The following COL1A1 variants were observed in gnomAD, a reference collection of about 807,000 sequenced individuals.
COL1A1 encodes collagen alpha-1(I) chain.
A neutral mutation model predicts 195.7 loss-of-function variants in COL1A1; 21 were observed. The observed-to-expected ratio is 0.11, with a 90% CI of 0.08 to 0.15. The LOEUF is 0.15. Among genes scored for constraint, COL1A1 ranks in the 10% least tolerant of loss-of-function variants. The probability of loss-of-function intolerance (pLI) is 1.00; values close to 1 mark genes in which losing one functional copy is unlikely to be tolerated. For missense variants in COL1A1, 1,365 were observed against 2,051.0 expected, an observed-to-expected ratio of 0.67 and a Z score of 6.46; for synonymous variants, 749 against 747.3, an observed-to-expected ratio of 1.00 and a Z score of -0.04.
rs961105065 is a variant in COL1A1 at position 50,185,534 on chromosome 17, C to G, written c.4363G>C (p.Gly1455Arg). The change falls in exon 51 of 51, where the codon GGC becomes CGC. Residue 1455 changes from glycine to arginine, a missense_variant. This residue lies in a region of COL1A1 where 273 missense variants were observed against 338.6 expected (regional missense o/e 0.81). Transcript: ENST00000225964. ...LDVGAPDQEF[G>R]FDVGPVCFL ...AAGCAGACAGGGCCAACGTCGAAGC[C>G]GAATTCCTGGTCTGGGGCACCAACG... The G allele has an allele frequency of 6.2e-7, 1 of 1,612,566 alleles. No individual in the cohort carries two copies. The highest frequency in any genetic ancestry group is 1.1e-5 in the South Asian group (1 of 91,026).
chr17:50,185,738 C>T (rs369473898), intron 50 of COL1A1, 40 bp downstream of exon 50: 46 of 1,612,224 alleles, frequency 2.9e-5, no homozygotes, highest in Middle Eastern at 1.6e-4. Flanking sequence ...AGCCCAAGGC[C>T]GGAGAGGTGG....
intron 29 of COL1A1, 137 bp downstream of exon 29, chr17:50,192,338 C>T (rs1322229539): frequency 9.8e-7 from 1 of 1,019,296 alleles, no homozygotes; most frequent in Non-Finnish European, 1.5e-6. Flanking sequence ...TGTGCTGCTC[C>T]CTTCATGGGA....
Position 50,190,535 on chromosome 17 carries a change from G to A in COL1A1, c.2397+8C>T, listed in dbSNP as rs1478477673. 1 of 1,612,738 alleles carries A rather than the reference G, an allele frequency of 6.2e-7. No homozygotes were observed. Among genetic ancestry groups the A allele is most frequent in the Admixed American group, 1.7e-5 (1 of 59,940 alleles). On this transcript the variant is annotated splice_region_variant and intron_variant, in intron 34 of 50. Coordinates refer to ENST00000225964, the MANE Select transcript of COL1A1 (RefSeq NM_000088.4). This position sits in a 1 kb window ranked among gnomAD's most constrained non-coding sequence, Gnocchi z 4.7. Reference sequence around the variant, plus strand: ...AGTATGGGGTCTTAACAGGTCTTCTGTACTTACGGGGGCACCACGAGCTCC... The same window carrying A: ...AGTATGGGGTCTTAACAGGTCTTCTATACTTACGGGGGCACCACGAGCTCC...
rs544922468 is a variant in COL1A1, at chr17:50,199,873, T to A, written c.178A>T (p.Ile60Phe). The A allele has an allele frequency of 1.3e-5, 21 of 1,614,116 alleles. No individual in the cohort carries two copies. The South Asian group carries it at 2.3e-4, about 18-fold the overall frequency. The change falls in exon 2 of 51, where the codon ATC becomes TTC. Residue 60 changes from isoleucine to phenylalanine, a missense_variant. Physicochemically the swap from Ile to Phe is conservative, Grantham distance 21 (BLOSUM62 0). Coordinates refer to ENST00000225964, the MANE Select transcript of COL1A1 (RefSeq NM_000088.4). Reference protein sequence around the residue: ...RDVWKPEPCRICVCDNGKVLC... With the variant: ...RDVWKPEPCRFCVCDNGKVLC... ...ACCTTGCCGTTGTCGCAGACGCAGA[T>A]CCGGCAGGGCTCGGGTTTCCACACG...
intron 28 of COL1A1, 41 bp from the exon 29 acceptor site, chr17:50,192,569 G>A (rs888608786): frequency 6.2e-7 from 1 of 1,614,086 alleles, no homozygotes; most frequent in African/African-American, 1.3e-5. Context: ...GGAAGGTTTA[G>A]AATCTGGAAG....
At chr17:50,199,076 A>G (rs1022047522) in intron 5 of COL1A1, 150 bp downstream of exon 5, 2 of 904,788 alleles carry the variant, frequency 2.2e-6, no homozygotes, top group African/African-American at 3.4e-5. Context: ...AGCACATGTC[A>G]CAAACTGTGA....
In COL1A1 at chr17:50,185,156, T is replaced by G; in HGVS notation, c.*346A>C. 3.0e-6 allele frequency: 1 copy of G among 334,260 alleles called. No individual in the cohort carries two copies. The highest frequency in any genetic ancestry group is 5.5e-6 in the Non-Finnish European group (1 of 180,184). The allele number at this position is 334,260 out of a possible 1,614,324, so 20.7% of individuals were successfully genotyped here. On this transcript the variant is annotated 3_prime_UTR_variant, in exon 51 of 51. Coordinates refer to ENST00000225964, the MANE Select transcript of COL1A1 (RefSeq NM_000088.4). ...GGAGAAAGGAGCAGAAAGGGCAGCA[T>G]TGGGGTTTCATAAGCCCAACGGGCA...
intron 5 of COL1A1, 55 bp from the exon 6 acceptor site, chr17:50,198,559 G>A (rs1332811560): frequency 5.7e-6 from 8 of 1,398,284 alleles, no homozygotes; most frequent in East Asian, 2.4e-5. Context: ...GGCAGAAGAC[G>A]GCACTGAGGA....
In COL1A1 at chr17:50,190,738, C is replaced by A; in HGVS notation, c.2343+79G>T. ...AGTTTGGCAGGACCTGCTCTCCCAA[C>A]GCAACCCCACGGAACCGTGCCCAGG... On this transcript the variant is annotated intron_variant, in intron 33 of 50. Coordinates refer to ENST00000225964, the MANE Select transcript of COL1A1 (RefSeq NM_000088.4). This position sits in a 1 kb window ranked among gnomAD's most constrained non-coding sequence, Gnocchi z 4.7. 6.7e-7 allele frequency: 1 copy of A among 1,502,764 alleles called. No homozygotes were observed. The highest frequency in any genetic ancestry group is 9.2e-7 in the Non-Finnish European group (1 of 1,081,976). The allele number at this position is 1,502,764 out of a possible 1,614,324, so 93.1% of individuals were successfully genotyped here.
chr17:50,199,372 G>A (rs1416522996), intron 4 of COL1A1, 45 bp from the exon 5 acceptor site: 2 of 1,610,548 alleles, frequency 1.2e-6, no homozygotes, highest in Non-Finnish European at 1.7e-6. Flanking sequence ...GGGGCCGAGA[G>A]CCATGCCCAC....
rs990020766 is a variant in COL1A1, at chr17:50,185,217, G to T, written c.*285C>A. 19 of 412,902 alleles carry T rather than the reference G, an allele frequency of 4.6e-5. No homozygotes were observed. In the Middle Eastern group the frequency reaches 2.0e-3, roughly 44 times the overall value. 25.6% of individuals were successfully genotyped at this position (412,902 alleles called of 1,614,324 possible). A position where few individuals can be genotyped will look rare whatever the true frequency, so the allele number is the denominator to read the frequency against. On this transcript the variant is annotated 3_prime_UTR_variant, in exon 51 of 51. Coordinates refer to ENST00000225964, the MANE Select transcript of COL1A1 (RefSeq NM_000088.4). ...TACCCCCGCATGGGTCTTCAAGCAAGTGGACCAAGCTTCCTTTTTTAAAAA... is the reference window on the plus strand; with the variant it reads ...TACCCCCGCATGGGTCTTCAAGCAATTGGACCAAGCTTCCTTTTTTAAAAA...
intron 11 of COL1A1, 100 bp downstream of exon 11, chr17:50,196,910 C>T (rs1907639500): frequency 2.9e-6 from 4 of 1,386,888 alleles, no homozygotes; most frequent in South Asian, 2.3e-5. Context: ...GTAGCTGCCA[C>T]CCACCATGAT....
At chr17:50,191,594 G>T in intron 31 of COL1A1, 104 bp from the exon 32 acceptor site, 1 of 1,217,230 alleles carries the variant, frequency 8.2e-7, no homozygotes, top group Non-Finnish European at 1.2e-6. Flanking sequence ...CAAGGCCAAC[G>T]ACAAGCCTTG....
chr17:50,199,691 C>T (rs1016318919), intron 2 of COL1A1, 62 bp downstream of exon 2: 1 of 1,586,106 alleles, frequency 6.3e-7, no homozygotes, highest in Non-Finnish European at 8.5e-7. Context: ...CGACCACCCC[C>T]AGCCCCAGCC....
chr17:50,186,058 T>G lies in COL1A1; in HGVS notation c.4006-38A>C, dbSNP rs781401626. ...GGAGAGAGGGAAGAGTGAGCCGCTA[T>G]GCGGGAACCTCTAGTCCTGCCTGGC... is the stretch of plus-strand genomic sequence containing the variant. On this transcript the variant is annotated intron_variant, in intron 49 of 50. Transcript: ENST00000225964. This position sits in a 1 kb window ranked among gnomAD's most constrained non-coding sequence, Gnocchi z 5.3. The G allele has an allele frequency of 5.6e-6, 9 of 1,607,878 alleles. No homozygotes were observed.
At position 50,189,112 on chromosome 17, in the gene COL1A1, C is replaced by T. The variant is rs146713501; in HGVS notation, c.2937+56G>A. 4 of 1,598,586 alleles carry T rather than the reference C, an allele frequency of 2.5e-6. No individual in the cohort carries two copies. Among genetic ancestry groups the T allele is most frequent in the Non-Finnish European group, 8.6e-7 (1 of 1,166,568 alleles). On this transcript the variant is annotated intron_variant, in intron 40 of 50. Coordinates refer to ENST00000225964, the MANE Select transcript of COL1A1 (RefSeq NM_000088.4). This position sits in a 1 kb window ranked among gnomAD's most constrained non-coding sequence, Gnocchi z 5.5. ...ATCTGTTCTCCTTGGCTCCGCCCCA[C>T]TCCAAGTCCTGTGATGGTTTTTCTC...
Position 50,201,464 on chromosome 17 carries a change from G to A in COL1A1, c.50C>T (p.Ala17Val). 2 of 1,613,144 alleles carry A rather than the reference G, an allele frequency of 1.2e-6. No homozygotes were observed. Among genetic ancestry groups the A allele is most frequent in the Non-Finnish European group, 1.7e-6 (2 of 1,180,018 alleles). The change falls in exon 1 of 51, where the codon GCC (alanine) becomes GTC (valine). Residue 17 changes from alanine to valine, a missense_variant. Ala to Val is a moderately conservative substitution (Grantham distance 64, BLOSUM62 0). Coordinates refer to ENST00000225964, the MANE Select transcript of COL1A1 (RefSeq NM_000088.4). ...LRLLLLLAAT[A>V]LLTHGQEEGQ... ...TTCCTCTTGGCCGTGCGTCAGGAGG[G>A]CGGTGGCCGCTAAGAGGAGCAGGAG... is the stretch of plus-strand genomic sequence containing the variant.
In COL1A1 at chr17:50,195,714, C is replaced by G; in HGVS notation, c.1057-49G>C. The G allele has an allele frequency of 1.3e-6, 2 of 1,581,138 alleles. No homozygotes were observed. Among genetic ancestry groups the G allele is most frequent in the African/African-American group, 2.7e-5 (2 of 74,256 alleles). ...CAGAAGCCACCCTGGGAAACCCAACCTTGCCTCTCGGGATGGCAGGAGGAA... is the reference window on the plus strand; with the variant it reads ...CAGAAGCCACCCTGGGAAACCCAACGTTGCCTCTCGGGATGGCAGGAGGAA... On this transcript the variant is annotated intron_variant, in intron 16 of 50. Coordinates refer to ENST00000225964, the MANE Select transcript of COL1A1 (RefSeq NM_000088.4). This position sits in a 1 kb window ranked among gnomAD's most constrained non-coding sequence, Gnocchi z 4.3.
intron 46 of COL1A1, 46 bp from the exon 47 acceptor site, chr17:50,187,168 C>T (rs758391151): frequency 2.3e-5 from 34 of 1,471,662 alleles, no homozygotes; most frequent in Non-Finnish European, 2.9e-5. Context: ...GAAGCCCGAA[C>T]AACCCCAGCT....
Sources: allele counts gnomAD v4.1 joint callset, GRCh38; gene constraint gnomAD v4.1.1; regional missense constraint gnomAD v4.1.1; non-coding constraint Gnocchi (gnomAD v3.1); transcripts MANE v1.5; gene names NCBI Gene and HGNC (gene_info 2026-07-23, HGNC 2026-07-21).